Variants in ZFHX3 observed in about 807,000 individuals in gnomAD.
ZFHX3 encodes the protein zinc finger homeobox protein 3.
ZFHX3 carries 42 observed loss-of-function variants against 279.1 expected under a neutral mutation model. That is an observed-to-expected ratio of 0.15 (90% CI 0.12 to 0.19). The LOEUF (loss-of-function observed/expected upper bound fraction) is 0.19. Ranked by LOEUF, ZFHX3 falls within the 10% of genes least tolerant of loss-of-function variation. The pLI, the probability that ZFHX3 is intolerant of heterozygous loss-of-function variation, is 1.00. For missense variants in ZFHX3, 4,981 were observed against 4,754.0 expected, an observed-to-expected ratio of 1.05 and a Z score of -1.40; for synonymous variants, 2,293 against 1,957.8, an observed-to-expected ratio of 1.17 and a Z score of -4.52.
In ZFHX3 at chr16:72,959,925, G is replaced by C; in HGVS notation, c.221C>G (p.Pro74Arg). Residue 74 changes from proline (P) to arginine (R), a missense_variant, in exon 2 of 10, where the codon CCC becomes CGC. Physicochemically the swap from Pro to Arg is moderately radical, Grantham distance 103 (BLOSUM62 -2). This residue lies in a region of ZFHX3 where 1,068 missense variants were observed against 935.2 expected (regional missense o/e 1.14). Transcript: ENST00000268489. ...GTTGCAGGTGACCTCCTTGCTGGCG[G>C]GCTCGGAGGGGGGCCCGGCCGACGC... is the stretch of plus-strand genomic sequence containing the variant. ...STASAGPPSE[P>R]ASKEVTCNEC... The C allele has an allele frequency of 6.2e-7, 1 of 1,600,642 alleles. No homozygotes were observed.
At chr16:73,396,919 A>G (rs1290812448) in intron 3 of ZFHX3, among the ~76,000 whole-genome samples, 1 of 152,226 alleles carries the variant, frequency 6.6e-6, no homozygotes, top group African/African-American at 2.4e-5. Flanking sequence ...TCTTACCAGC[A>G]CAGATGAGCC....
At chr16:72,960,252 AAG>A (rs1192752201) in intron 1 of ZFHX3, 58 bp from the exon 2 acceptor site, 4 of 1,401,660 alleles carry the variant, frequency 2.9e-6, no homozygotes, top group Non-Finnish European at 3.8e-6. Flanking sequence ...AGAGAAAGGA[AAG>A]AGGTTAGGAG....
chr16:73,675,149 A>T (rs2052941827), intron 2 of ZFHX3, among the ~76,000 whole-genome samples: 1 of 152,048 alleles, frequency 6.6e-6, no homozygotes. Context: ...TGAACTAGTT[A>T]TATGTTAAGA....
chr16:73,317,375 C>T lies in ZFHX3; in HGVS notation c.-1194+865G>A, dbSNP rs573993559. ...ACTTGCACCTGCTAATGTTACCCGG[C>T]AGAGTCACAGCCATCGCTGGGCCCT... On this transcript the variant is annotated intron_variant, in intron 4 of 17. Transcript: ENST00000641206. 1.0e-3 allele frequency among the ~76,000 whole-genome samples: 158 copies of T among 152,268 alleles called. 1 individual carries two copies. The highest frequency in any genetic ancestry group is 3.7e-3 in the African/African-American group (152 of 41,560).
rs764515875 is a variant in ZFHX3, at chr16:72,811,866, A to C, written c.3663+39T>G. ...TTTGTTCCCTACCAATGTCTAAAAC[A>C]CCTCACCTCCCCACCAGCAGAGTCC... On this transcript the variant is annotated intron_variant, in intron 6 of 9. Coordinates refer to ENST00000268489, the MANE Select transcript of ZFHX3 (RefSeq NM_006885.4). 3.1e-6 allele frequency: 5 copies of C among 1,607,562 alleles called. No homozygotes were observed. In the African/African-American group the frequency reaches 6.7e-5, roughly 22 times the overall value.
At chr16:72,881,850 C>G (rs1487575505) in intron 4 of ZFHX3, among the ~76,000 whole-genome samples, 1 of 152,224 alleles carries the variant, frequency 6.6e-6, no homozygotes, top group Non-Finnish European at 1.5e-5. Flanking sequence ...CCAGCACAAA[C>G]ACCCACTGAC....
Position 72,796,493 on chromosome 16 carries a change from G to A in ZFHX3, c.6189C>T (p.Ala2063=). The A allele has an allele frequency of 1.2e-6, 2 of 1,608,554 alleles. No individual in the cohort carries two copies. The highest frequency in any genetic ancestry group is 1.7e-6 in the Non-Finnish European group (2 of 1,179,720). Residue 2063 remains alanine (A), a synonymous_variant, in exon 9 of 10, where the codon GCC becomes GCT. Coordinates refer to ENST00000268489, the MANE Select transcript of ZFHX3 (RefSeq NM_006885.4). ...AAPPQPASTP[A]IPASAPPITS... The stretch of plus-strand genomic sequence containing the variant: ...TGATGGGTGGGGCTGATGCGGGGAT[G>A]GCTGGTGTGGACGCCGGCTGAGGCG...
intron 4 of ZFHX3, among the ~76,000 whole-genome samples, chr16:72,873,469 G>C (rs1305110101): frequency 6.6e-6 from 1 of 152,138 alleles, no homozygotes; most frequent in African/African-American, 2.4e-5. Context: ...AGTATGATGA[G>C]ATTTGTTCTT....
At chr16:73,743,841 T>C (rs1431760849) in intron 1 of ZFHX3, among the ~76,000 whole-genome samples, 1 of 152,098 alleles carries the variant, frequency 6.6e-6, no homozygotes, top group Non-Finnish European at 1.5e-5. Flanking sequence ...TGCAAACAGC[T>C]GCAGACACAA....
chr16:73,803,236 C>A (rs1960187883), intron 1 of ZFHX3, among the ~76,000 whole-genome samples: 1 of 152,120 alleles, frequency 6.6e-6, no homozygotes, highest in Admixed American at 6.6e-5. Flanking sequence ...ACAAAAGATA[C>A]CCAACTCCAG....
chr16:73,557,644 A>C (rs1474858508), intron 2 of ZFHX3, among the ~76,000 whole-genome samples: 1 of 152,110 alleles, frequency 6.6e-6, no homozygotes, highest in Non-Finnish European at 1.5e-5. Context: ...AGTGAGGACG[A>C]CCAGAGGTCA....
chr16:72,998,663 T>A (rs982018223), intron 1 of ZFHX3, among the ~76,000 whole-genome samples: 3 of 152,180 alleles, frequency 2.0e-5, no homozygotes, highest in African/African-American at 7.2e-5. Context: ...CTTCCTCTAA[T>A]CATGAGAACC....
At chr16:73,104,221 G>GTATTTATGTATTTATTTATT (rs142056511) in intron 7 of ZFHX3, among the ~76,000 whole-genome samples, 6,232 of 151,606 alleles carry the variant, frequency 0.041, 182 homozygotes, top group South Asian at 0.14. Flanking sequence ...TTTATTTTAT[G>GTATTTATGTATTTATTTATT]TATTTATTTA....
chr16:73,425,924 G>A (rs2017802235), intron 3 of ZFHX3, among the ~76,000 whole-genome samples: 2 of 134,248 alleles, frequency 1.5e-5, no homozygotes, highest in Admixed American at 7.4e-5. Flanking sequence ...GAAAAATAAA[G>A]CCTACTTCCT....
At chr16:73,011,045 G>A (rs1220500729) in intron 1 of ZFHX3, among the ~76,000 whole-genome samples, 1 of 152,078 alleles carries the variant, frequency 6.6e-6, no homozygotes, top group Non-Finnish European at 1.5e-5. Context: ...ACAGTGGCGT[G>A]ATCTTGGCTC....
At chr16:73,038,788 T>C (rs1357882356) in intron 1 of ZFHX3, among the ~76,000 whole-genome samples, 1 of 15,916 alleles carries the variant, frequency 6.3e-5, no homozygotes, top group African/African-American at 6.2e-4. Flanking sequence ...TTTTTATTAC[T>C]ATTATTATTA....
chr16:73,150,549 C>T (rs1335023974), intron 5 of ZFHX3, among the ~76,000 whole-genome samples: 2 of 152,120 alleles, frequency 1.3e-5, no homozygotes, highest in Admixed American at 6.5e-5. Flanking sequence ...AGAAATAGAA[C>T]CCATAGTTTC....
At chr16:73,872,372 C>T (rs965515071) in intron 1 of ZFHX3, among the ~76,000 whole-genome samples, 1 of 151,956 alleles carries the variant, frequency 6.6e-6, no homozygotes, top group South Asian at 2.1e-4. Context: ...ATTACAGGTG[C>T]CTGCCACCAT....
chr16:73,033,577 T>G (rs1337331586), intron 1 of ZFHX3, among the ~76,000 whole-genome samples: 1 of 152,120 alleles, frequency 6.6e-6, no homozygotes, highest in African/African-American at 2.4e-5. Flanking sequence ...ATTTGAACTT[T>G]TCACCCGGGG....
Sources: gnomAD v4.1 joint callset for allele counts (sites outside exome capture counted in the v4.1 genomes callset) on GRCh38, gnomAD v4.1.1 for gene constraint, gnomAD v4.1.1 regional missense constraint, MANE v1.5 for transcripts, NCBI Gene and HGNC (gene_info 2026-07-23, HGNC 2026-07-21) for gene names.